COL15A1: variants seen among roughly 807,000 people sequenced by gnomAD.
The protein encoded by COL15A1 is collagen alpha-1(XV) chain.
In COL15A1, 111 loss-of-function variants were observed where a neutral mutation model predicts 165.9. That is an observed-to-expected ratio of 0.67 (90% confidence interval 0.57 to 0.78). The LOEUF is 0.78. COL15A1 is among the 30% of genes least tolerant of loss of function. The probability of loss-of-function intolerance (pLI) is 0.00; values close to 1 mark genes in which losing one functional copy is unlikely to be tolerated. For synonymous variants in COL15A1, 659 were observed against 674.8 expected (o/e 0.98, Z 0.36); for missense variants, 1,745 against 1,789.7 (o/e 0.98, Z 0.45).
In COL15A1 at chr9:98,985,946, G is replaced by C; in HGVS notation, c.482G>C (p.Trp161Ser). 6.2e-7 allele frequency: 1 copy of C among 1,614,022 alleles called. No homozygotes were observed. The highest frequency in any genetic ancestry group is 8.5e-7 in the Non-Finnish European group (1 of 1,180,014). Residue 161 changes from tryptophan (W) to serine (S), a missense_variant, in exon 3 of 42, where the codon TGG becomes TCG. By Grantham distance (177) the Trp-to-Ser change is radical (BLOSUM62 -3). Transcript: ENST00000375001. ...TCGGTGCCTGTGATGACCCACAGGT[G>C]GAACCGCTTCGCCATGATTGTCCAG... ...AFSVPVMTHR[W>S]NRFAMIVQGE... is the part of the protein sequence containing the mutation.
intron 35 of COL15A1, among the ~76,000 whole-genome samples, chr9:99,058,228 C>G (rs978171800): frequency 6.6e-6 from 1 of 152,170 alleles, no homozygotes; most frequent in African/African-American, 2.4e-5. Context: ...TTGAAAAGTC[C>G]TGGGATGGGG....
intron 7 of COL15A1, among the ~76,000 whole-genome samples, chr9:99,001,849 G>C (rs1165449603): frequency 6.6e-6 from 1 of 152,058 alleles, no homozygotes; most frequent in Non-Finnish European, 1.5e-5. Flanking sequence ...CTCTCTTATG[G>C]GGGCTTTTGT....
chr9:98,969,037 T>G (rs1838001799), intron 2 of COL15A1, among the ~76,000 whole-genome samples: 1 of 152,188 alleles, frequency 6.6e-6, no homozygotes, highest in Admixed American at 6.5e-5. Flanking sequence ...TTGTTCCTCA[T>G]ACCCTGGCAA....
intron 35 of COL15A1, among the ~76,000 whole-genome samples, chr9:99,057,330 G>C (rs1205411162): frequency 6.6e-6 from 1 of 152,198 alleles, no homozygotes; most frequent in Non-Finnish European, 1.5e-5. Context: ...TCACATGTGA[G>C]TGGAAACTTC....
intron 2 of COL15A1, among the ~76,000 whole-genome samples, chr9:98,976,080 C>G (rs1056422714): frequency 5.3e-5 from 8 of 152,170 alleles, no homozygotes; most frequent in African/African-American, 1.9e-4. Context: ...CAGATGACTA[C>G]TAATGGTCAC....
intron 2 of COL15A1, among the ~76,000 whole-genome samples, chr9:98,978,438 A>G (rs1838178579): frequency 1.3e-5 from 2 of 152,216 alleles, no homozygotes; most frequent in African/African-American, 4.8e-5. Context: ...CCGAGCAGAA[A>G]GAGGCTTCCC....
At chr9:98,954,197 T>A (rs1039532365) in intron 2 of COL15A1, among the ~76,000 whole-genome samples, 4 of 150,312 alleles carry the variant, frequency 2.7e-5, no homozygotes, top group African/African-American at 9.8e-5. Flanking sequence ...ATGTGAGAAG[T>A]GTTTGTAAGA....
At chr9:99,018,645 G>A (rs1838975489) in intron 11 of COL15A1, among the ~76,000 whole-genome samples, 1 of 151,658 alleles carries the variant, frequency 6.6e-6, no homozygotes, top group East Asian at 2.1e-4. Flanking sequence ...AAGATTAATT[G>A]AATTAAAGTA....
chr9:99,008,545 T>A (rs544673499), intron 9 of COL15A1, among the ~76,000 whole-genome samples: 1 of 152,356 alleles, frequency 6.6e-6, no homozygotes, highest in East Asian at 1.9e-4. Context: ...TACTCACAAC[T>A]AATTACCAAA....
At chr9:99,058,781 A>G (rs2117946044) in intron 35 of COL15A1, among the ~76,000 whole-genome samples, 1 of 152,338 alleles carries the variant, frequency 6.6e-6, no homozygotes, top group Non-Finnish European at 1.5e-5. Context: ...ATTAGGAGGC[A>G]TGGCTGGGAT....
intron 15 of COL15A1, 42 bp from the exon 16 acceptor site, chr9:99,025,862 T>C: frequency 6.3e-7 from 1 of 1,598,894 alleles, no homozygotes; most frequent in Non-Finnish European, 8.5e-7. Flanking sequence ...ATGTGATATT[T>C]AGCAGAAATG....
Position 99,025,910 on chromosome 9 carries a change from G to A in COL15A1, c.1987G>A (p.Glu663Lys), listed in dbSNP as rs757515988. The A allele has an allele frequency of 1.5e-5, 25 of 1,613,118 alleles. No homozygotes were observed. Among genetic ancestry groups the A allele is most frequent in the Middle Eastern group, 3.3e-4 (2 of 6,058 alleles). ...PAGEPGPPGP[E>K]GQPGVDGATG... ...TGTCACTGATGTTCCCCAGGGCCCT[G>A]AGGGACAGCCTGGAGTTGATGGAGC... The change falls in exon 16 of 42, where the codon GAG becomes AAG. Residue 663 changes from glutamate to lysine, a missense_variant. Glu to Lys is a moderately conservative substitution (Grantham distance 56, BLOSUM62 1). Transcript: ENST00000375001.
chr9:99,058,370 T>C (rs981419195), intron 35 of COL15A1, among the ~76,000 whole-genome samples: 2 of 151,648 alleles, frequency 1.3e-5, no homozygotes, highest in Non-Finnish European at 2.9e-5. Context: ...GTTGTAGAGG[T>C]GAAGGGAAGG....
intron 16 of COL15A1, among the ~76,000 whole-genome samples, chr9:99,027,434 C>G (rs1437834356): frequency 6.6e-6 from 1 of 152,156 alleles, no homozygotes; most frequent in Non-Finnish European, 1.5e-5. Context: ...ATACAATTGT[C>G]AAGCTTTATA....
At chr9:99,004,683 C>T (rs1838725865) in intron 8 of COL15A1, among the ~76,000 whole-genome samples, 1 of 152,132 alleles carries the variant, frequency 6.6e-6, no homozygotes, top group African/African-American at 2.4e-5. Context: ...TGGTGGCACA[C>T]CACACGGGTG....
At chr9:99,068,005 A>C (rs992670605) in intron 40 of COL15A1, among the ~76,000 whole-genome samples, 2 of 152,234 alleles carry the variant, frequency 1.3e-5, no homozygotes, top group African/African-American at 2.4e-5. Context: ...GCTTGTATAC[A>C]CTTCTAATAA....
chr9:98,954,878 G>A (rs919805860), intron 2 of COL15A1, among the ~76,000 whole-genome samples: 6 of 152,166 alleles, frequency 3.9e-5, no homozygotes, highest in Non-Finnish European at 7.3e-5. Flanking sequence ...TCTCCAAATG[G>A]TGGCCTTACT....
At chr9:99,018,756 C>G (rs1237436192) in intron 11 of COL15A1, among the ~76,000 whole-genome samples, 2 of 152,194 alleles carry the variant, frequency 1.3e-5, no homozygotes, top group South Asian at 4.1e-4. Flanking sequence ...GTGAAAGAAG[C>G]TGGTTGTAAA....
intron 34 of COL15A1, 82 bp downstream of exon 34, chr9:99,055,454 G>A: frequency 1.2e-6 from 1 of 813,684 alleles, no homozygotes; most frequent in East Asian, 2.5e-5. Flanking sequence ...GGCAGTTAGG[G>A]CTAGTCATTG....
Sources: allele counts gnomAD v4.1 joint callset (sites outside exome capture counted in the v4.1 genomes callset), GRCh38; gene constraint gnomAD v4.1.1; transcripts MANE v1.5; gene names NCBI Gene and HGNC (gene_info 2026-07-23, HGNC 2026-07-21).